The following BSX variants were observed in gnomAD, a reference collection of about 807,000 sequenced individuals.
BSX encodes the protein brain-specific homeobox protein homolog.
A neutral mutation model predicts 16.9 loss-of-function variants in BSX; 12 were observed. The observed-to-expected ratio is 0.71, with a 90% confidence interval of 0.46 to 1.15. The LOEUF is 1.15. Among genes scored for constraint, BSX ranks in the 50% most tolerant of loss-of-function variants. The pLI, the probability that BSX is intolerant of heterozygous loss-of-function variation, is 0.00. For synonymous variants in BSX, 160 were observed against 136.4 expected (o/e 1.17, Z -1.20); for missense variants, 292 against 311.8 (o/e 0.94, Z 0.48).
At chr11:122,981,336 C>T in intron 1 of BSX, 74 bp downstream of exon 1, 1 of 1,373,822 alleles carries the variant, frequency 7.3e-7, no homozygotes, top group Non-Finnish European at 9.7e-7. Context: ...TTCCTTGACT[C>T]CATCACAGGC....
chr11:122,977,819 C>T lies in BSX; in HGVS notation c.532G>A (p.Ala178Thr), dbSNP rs748182063. Residue 178 changes from alanine (A) to threonine (T), a missense_variant, in exon 3 of 3, where the codon GCA (alanine) becomes ACA (threonine). Transcript: ENST00000343035. The surrounding 1 kb of genome is among the most constrained non-coding windows in gnomAD (Gnocchi z 4.5). ...QLRKSQDEPK[A>T]PDGPESPEGS... is the part of the protein sequence containing the mutation. ...TCGGGGCTTTCTGGCCCGTCTGGTGCTTTGGGTTCGTCTTGGCTTTTCCGC... is the reference window on the plus strand; with the variant it reads ...TCGGGGCTTTCTGGCCCGTCTGGTGTTTTGGGTTCGTCTTGGCTTTTCCGC... 2.5e-6 allele frequency: 4 copies of T among 1,613,916 alleles called. No individual in the cohort carries two copies. In the African/African-American group the frequency reaches 4.0e-5, roughly 16 times the overall value.
At chr11:122,981,222 T>C (rs971035627) in intron 1 of BSX, among the ~76,000 whole-genome samples, 188 bp downstream of exon 1, 1 of 152,124 alleles carries the variant, frequency 6.6e-6, no homozygotes, top group Non-Finnish European at 1.5e-5. Context: ...TCCCCGTGGG[T>C]TGGCATGCCT....
At position 122,981,718 on chromosome 11, in the gene BSX, G is replaced by T. The variant is rs1864575640; in HGVS notation, c.-47C>A. 2 of 1,528,628 alleles carry T rather than the reference G, an allele frequency of 1.3e-6. No individual in the cohort carries two copies. The highest frequency in any genetic ancestry group is 1.8e-6 in the Non-Finnish European group (2 of 1,138,994). 94.7% of individuals were successfully genotyped at this position (1,528,628 alleles called of 1,614,324 possible). A position where few individuals can be genotyped will look rare whatever the true frequency, so the allele number is the denominator to read the frequency against. The stretch of plus-strand genomic sequence containing the variant: ...AGGACAAGGGCCGGGACGAAGTGGA[G>T]GACGCAGGCAGAGTCTCCAAGCCTG... On this transcript the variant is annotated 5_prime_UTR_variant, in exon 1 of 3. Coordinates refer to ENST00000343035, the MANE Select transcript of BSX (RefSeq NM_001098169.2).
At position 122,981,122 on chromosome 11, in the gene BSX, G is replaced by A. The variant is rs192570220; in HGVS notation, c.262+288C>T. 3.3e-5 allele frequency among the ~76,000 whole-genome samples: 5 copies of A among 152,278 alleles called. No homozygotes were observed. The East Asian group carries it at 7.7e-4, about 24-fold the overall frequency. ...ATCACGAGCAGGGACACTGAGCACT[G>A]CCTACCAAGAGTATCGTCAAACCCT... On this transcript the variant is annotated intron_variant, in intron 1 of 2. Coordinates refer to ENST00000343035, the MANE Select transcript of BSX (RefSeq NM_001098169.2).
chr11:122,978,580 G>T (rs976158215), intron 2 of BSX, among the ~76,000 whole-genome samples: 1 of 151,904 alleles, frequency 6.6e-6, no homozygotes, highest in Non-Finnish European at 1.5e-5. Context: ...ACAAGAACTC[G>T]CCTGAACTCT....
At chr11:122,981,012 A>G (rs1864561538) in intron 1 of BSX, among the ~76,000 whole-genome samples, 1 of 152,134 alleles carries the variant, frequency 6.6e-6, no homozygotes, top group Non-Finnish European at 1.5e-5. Flanking sequence ...AGTTGTGTCC[A>G]TGGGGTGGGA....
In BSX at chr11:122,981,571, C is replaced by A; in HGVS notation, c.101G>T (p.Arg34Ile). The A allele has an allele frequency of 6.2e-7, 1 of 1,600,744 alleles. No individual in the cohort carries two copies. The highest frequency in any genetic ancestry group is 8.5e-7 in the Non-Finnish European group (1 of 1,173,718). ...GGCGAAATGGTCTGGGGCCACCTCT[C>A]TCAGCGGCTTGGGCTTGTGCAGCAG... is the stretch of plus-strand genomic sequence containing the variant. ...DILLHKPKPLREVAPDHFASS... is the reference protein window; with the variant it reads ...DILLHKPKPLIEVAPDHFASS... Residue 34 changes from arginine (R) to isoleucine (I), a missense_variant, in exon 1 of 3, where the codon AGA becomes ATA. Coordinates refer to ENST00000343035, the MANE Select transcript of BSX (RefSeq NM_001098169.2).
At chr11:122,978,639 G>A (rs1288707313) in intron 2 of BSX, among the ~76,000 whole-genome samples, 2 of 152,004 alleles carry the variant, frequency 1.3e-5, no homozygotes, top group Non-Finnish European at 2.9e-5. Flanking sequence ...AGAGGAGTGA[G>A]GAAGGCATAC....
At position 122,977,856 on chromosome 11, in the gene BSX, A is replaced by C; in HGVS notation, c.495T>G (p.His165Gln). Residue 165 changes from histidine (H) to glutamine (Q), a missense_variant, in exon 3 of 3, where the codon CAT becomes CAG. His to Gln is a conservative substitution (Grantham distance 24). Coordinates refer to ENST00000343035, the MANE Select transcript of BSX (RefSeq NM_001098169.2). This position sits in a 1 kb window ranked among gnomAD's most constrained non-coding sequence, Gnocchi z 4.5. ...KTWFQNRRMK[H>Q]KKQLRKSQDE... is the part of the protein sequence containing the mutation. ...CTTGGCTTTTCCGCAGTTGCTTTTT[A>C]TGCTTCATCCGCCGGTTCTGGAACC... 2 of 1,613,804 alleles carry C rather than the reference A, an allele frequency of 1.2e-6. No homozygotes were observed. Among genetic ancestry groups the C allele is most frequent in the Non-Finnish European group, 1.7e-6 (2 of 1,179,914 alleles).
chr11:122,979,032 CT>C (rs200503007), intron 2 of BSX, among the ~76,000 whole-genome samples: 2,656 of 152,112 alleles, frequency 0.017, 83 homozygotes, highest in East Asian at 0.13. Context: ...TCTGGAACTC[CT>C]GACCTCGTGA....
intron 2 of BSX, among the ~76,000 whole-genome samples, chr11:122,978,756 G>A (rs186498003): frequency 1.8e-4 from 27 of 151,682 alleles, no homozygotes; most frequent in African/African-American, 6.5e-4. Flanking sequence ...GTATGACATG[G>A]GGTTGGGGTG....
In BSX at chr11:122,977,757, G is replaced by C. The variant is rs1008877062; in HGVS notation, c.594C>G (p.Ala198=). 4.3e-6 allele frequency: 7 copies of C among 1,611,814 alleles called. No individual in the cohort carries two copies. The highest frequency in any genetic ancestry group is 5.9e-6 in the Non-Finnish European group (7 of 1,179,500). The change falls in exon 3 of 3, where the codon GCC becomes GCG. Residue 198 remains alanine (A), a synonymous_variant. Coordinates refer to ENST00000343035, the MANE Select transcript of BSX (RefSeq NM_001098169.2). The surrounding 1 kb of genome is among the most constrained non-coding windows in gnomAD (Gnocchi z 4.5). ...CGGCGGGCAGGCTCAGCCGAGCCTC[G>C]GCGGCGGTGGCGGCCTCTGAACCGC... The part of the protein sequence containing the change: ...SPRGSEAATA[A]EARLSLPAGP...
rs1864519065 is a variant in BSX at position 122,977,972 on chromosome 11, A to G, written c.460-81T>C. 6.4e-6 allele frequency: 10 copies of G among 1,551,688 alleles called. No homozygotes were observed. The highest frequency in any genetic ancestry group is 1.7e-5 in the Admixed American group (1 of 57,706). ...GCTGGGGTTTAGGAAAATGGGCTGC[A>G]GTCCGTTGATGAAGTATCCAAGAGC... On this transcript the variant is annotated intron_variant, in intron 2 of 2. Transcript: ENST00000343035. The surrounding 1 kb of genome is among the most constrained non-coding windows in gnomAD (Gnocchi z 4.5).
In BSX at chr11:122,977,681, C is replaced by T. The variant is rs1460631990; in HGVS notation, c.670G>A (p.Gly224Arg). Residue 224 changes from glycine (G) to arginine (R), a missense_variant, in exon 3 of 3, where the codon GGG becomes AGG. Transcript: ENST00000343035. This position sits in a 1 kb window ranked among gnomAD's most constrained non-coding sequence, Gnocchi z 4.5. ...ACGTGCGGCCCTGAGCCCAGCTCCC[C>T]CTCGTCTCCAATGTCCACCTCGTCC... ...PEDEVDIGDE[G>R]ELGSGPHVL 2 of 1,611,696 alleles carry T rather than the reference C, an allele frequency of 1.2e-6. No individual in the cohort carries two copies. The highest frequency in any genetic ancestry group is 1.7e-6 in the Non-Finnish European group (2 of 1,179,840).
At position 122,981,678 on chromosome 11, in the gene BSX, C is replaced by T. The variant is rs759524052; in HGVS notation, c.-7G>A. 2 of 1,551,226 alleles carry T rather than the reference C, an allele frequency of 1.3e-6. No homozygotes were observed. Among genetic ancestry groups the T allele is most frequent in the Non-Finnish European group, 8.7e-7 (1 of 1,152,480 alleles). On this transcript the variant is annotated 5_prime_UTR_variant, in exon 1 of 3. Transcript: ENST00000343035. ...AGGTGAAGTTGAGATTCATCTTGAGCGGAGCACCTGCCACAGGACAAGGGC... is the reference window on the plus strand; with the variant it reads ...AGGTGAAGTTGAGATTCATCTTGAGTGGAGCACCTGCCACAGGACAAGGGC...
Position 122,977,976 on chromosome 11 carries a change from CGTTGATGAA to C in BSX, c.460-94_460-86del. 1 of 1,533,924 alleles carries C rather than the reference CGTTGATGAA, an allele frequency of 6.5e-7. No homozygotes were observed. ...GGGTTTAGGAAAATGGGCTGCAGTC[CGTTGATGAA>C]GTATCCAAGAGCGGTGATAGCCTCA... On this transcript the variant is annotated intron_variant, in intron 2 of 2. Coordinates refer to ENST00000343035, the MANE Select transcript of BSX (RefSeq NM_001098169.2). This position sits in a 1 kb window ranked among gnomAD's most constrained non-coding sequence, Gnocchi z 4.5.
At chr11:122,979,597 C>A in intron 1 of BSX, 140 bp from the exon 2 acceptor site, 1 of 593,902 alleles carries the variant, frequency 1.7e-6, no homozygotes, top group South Asian at 2.4e-5. Flanking sequence ...CAAAGCCCCT[C>A]AAGCCTTTCT....
Position 122,981,465 on chromosome 11 carries a change from G to A in BSX, c.207C>T (p.Ala69=). Reference sequence around the variant, plus strand: ...GGTCTCCCTTATGCAGAGGGTGATGGGCGTGAGGAGCCAAGAGGGTGGGTG... The same window carrying A: ...GGTCTCCCTTATGCAGAGGGTGATGAGCGTGAGGAGCCAAGAGGGTGGGTG... ...MPTPTLLAPH[A]HHPLHKGDHH... The change falls in exon 1 of 3, where the codon GCC becomes GCT. Residue 69 remains alanine (A), a synonymous_variant. Coordinates refer to ENST00000343035, the MANE Select transcript of BSX (RefSeq NM_001098169.2). 1.3e-6 allele frequency: 2 copies of A among 1,574,720 alleles called. No individual in the cohort carries two copies. The highest frequency in any genetic ancestry group is 1.7e-6 in the Non-Finnish European group (2 of 1,159,468).
At chr11:122,978,865 G>C (rs1221093224) in intron 2 of BSX, among the ~76,000 whole-genome samples, 1 of 137,218 alleles carries the variant, frequency 7.3e-6, no homozygotes, top group Non-Finnish European at 1.5e-5. Context: ...GAGTGCAGCG[G>C]CGCGATCTCG....
Sources: allele counts gnomAD v4.1 joint callset (sites outside exome capture counted in the v4.1 genomes callset), GRCh38; gene constraint gnomAD v4.1.1; non-coding constraint Gnocchi (gnomAD v3.1); transcripts MANE v1.5; gene names NCBI Gene and HGNC (gene_info 2026-07-23, HGNC 2026-07-21).